ADAMTS17: variants seen among roughly 807,000 people sequenced by gnomAD.
ADAMTS17 encodes ADAM metallopeptidase with thrombospondin type 1 motif 17, also known as A disintegrin and metalloproteinase with thrombospondin motifs 17.
ADAMTS17 carries 113 observed loss-of-function variants against 141.5 expected under a neutral mutation model. That is an observed-to-expected ratio of 0.80 (90% CI 0.69 to 0.93). ADAMTS17 has a LOEUF of 0.93. ADAMTS17 is among the 40% of genes least tolerant of loss of function. The pLI, the probability that ADAMTS17 is intolerant of heterozygous loss-of-function variation, is 0.00. For missense variants in ADAMTS17, 1,659 were observed against 1,517.9 expected (o/e 1.09, Z -1.54); for synonymous variants, 768 against 630.6 (o/e 1.22, Z -3.27).
At chr15:99,978,211 G>A (rs1419029507) in intron 20 of ADAMTS17, among the ~76,000 whole-genome samples, 1 of 152,172 alleles carries the variant, frequency 6.6e-6, no homozygotes, top group East Asian at 1.9e-4. Flanking sequence ...TCCCATCTGT[G>A]CCTGGGAGGG....
At chr15:100,330,694 G>A (rs1307364470) in intron 3 of ADAMTS17, among the ~76,000 whole-genome samples, 195 bp downstream of exon 3, 2 of 152,160 alleles carry the variant, frequency 1.3e-5, no homozygotes, top group Non-Finnish European at 2.9e-5. Context: ...GAAACAAAAC[G>A]ATGACTTTTT....
At chr15:100,011,363 A>AGGGGGGGGGGGGGGG (rs1282614170) in intron 18 of ADAMTS17, among the ~76,000 whole-genome samples, 1 of 8,652 alleles carries the variant, frequency 1.2e-4, no homozygotes, top group Admixed American at 1.2e-3. Flanking sequence ...GACGGGAGGG[A>AGGGGGGGGGGGGGGG]GAGAAGGAAA....
At chr15:100,149,375 T>C (rs930074606) in intron 10 of ADAMTS17, among the ~76,000 whole-genome samples, 1 of 152,220 alleles carries the variant, frequency 6.6e-6, no homozygotes, top group Admixed American at 6.5e-5. Flanking sequence ...GTTCAGTTCT[T>C]TGTCCTCCAT....
intron 8 of ADAMTS17, among the ~76,000 whole-genome samples, chr15:100,178,945 T>G (rs1897086779): frequency 6.6e-6 from 1 of 152,178 alleles, no homozygotes; most frequent in African/African-American, 2.4e-5. Flanking sequence ...GGCAATACAT[T>G]GTTCCCAATT....
At chr15:100,104,748 C>T (rs903023001) in intron 14 of ADAMTS17, among the ~76,000 whole-genome samples, 1 of 152,186 alleles carries the variant, frequency 6.6e-6, no homozygotes, top group Non-Finnish European at 1.5e-5. Context: ...ACAGACTTTC[C>T]ACTCATTAGG....
chr15:100,255,321 C>G (rs1182279248), intron 6 of ADAMTS17, among the ~76,000 whole-genome samples: 1 of 152,122 alleles, frequency 6.6e-6, no homozygotes, highest in African/African-American at 2.4e-5. Context: ...AGGCCCCACA[C>G]CCATCTTCTC....
rs555557861 is a variant in ADAMTS17, at chr15:100,241,856, G to T, written c.1075+12280C>A. Among the ~76,000 whole-genome samples, 10 of 152,272 alleles carry T rather than the reference G, an allele frequency of 6.6e-5. No individual in the cohort carries two copies. In the South Asian group the frequency reaches 8.3e-4, roughly 13 times the overall value. ...TTGTCAGGAATTTCTAATCCAAGTC[G>T]TCTATGCTAGTAACTCCGAAGGTTG... On this transcript the variant is annotated intron_variant, in intron 7 of 21. Coordinates refer to ENST00000268070, the MANE Select transcript of ADAMTS17 (RefSeq NM_139057.4).
intron 3 of ADAMTS17, among the ~76,000 whole-genome samples, chr15:100,313,057 A>C (rs1179365892): frequency 6.6e-6 from 1 of 152,204 alleles, no homozygotes; most frequent in East Asian, 1.9e-4. Context: ...AAAAAGCATT[A>C]ATCTGAGATG....
chr15:100,135,027 A>T (rs1415277310), intron 10 of ADAMTS17, among the ~76,000 whole-genome samples: 1 of 152,202 alleles, frequency 6.6e-6, no homozygotes, highest in Admixed American at 6.5e-5. Flanking sequence ...TGCTCACAAG[A>T]CAAGGCTGAC....
At chr15:100,099,810 C>T (rs2035986886) in intron 14 of ADAMTS17, among the ~76,000 whole-genome samples, 1 of 152,170 alleles carries the variant, frequency 6.6e-6, no homozygotes, top group Admixed American at 6.5e-5. Flanking sequence ...CAAGACAGCT[C>T]CTGAGAAACA....
Position 100,053,898 on chromosome 15 carries a change from A to G in ADAMTS17, c.2294T>C (p.Met765Thr), listed in dbSNP as rs1354916281. 3 of 1,614,180 alleles carry G rather than the reference A, an allele frequency of 1.9e-6. No individual in the cohort carries two copies. Among genetic ancestry groups the G allele is most frequent in the Middle Eastern group, 3.3e-4 (2 of 6,062 alleles). Residue 765 changes from methionine to threonine, a missense_variant and splice_region_variant, in exon 16 of 22, where the codon ATG (methionine) becomes ACG (threonine). Transcript: ENST00000268070. Reference protein sequence around the residue: ...KGPTKLPLHLMVLLFHDQDYG... With the variant: ...KGPTKLPLHLTVLLFHDQDYG... ...AAGTGTGGAAGCCCAGCAAGTTACC[A>G]TCAAGTGCAGCGGTAGTTTGGTTGG...
At chr15:100,030,009 A>G (rs1031748345) in intron 18 of ADAMTS17, among the ~76,000 whole-genome samples, 4 of 152,212 alleles carry the variant, frequency 2.6e-5, no homozygotes, top group African/African-American at 9.6e-5. Flanking sequence ...TAGAGCCACT[A>G]GACATATTGG....
chr15:99,981,407 C>G (rs962597262), intron 20 of ADAMTS17, among the ~76,000 whole-genome samples: 2 of 152,182 alleles, frequency 1.3e-5, no homozygotes, highest in African/African-American at 2.4e-5. Context: ...GGCTCTGCCC[C>G]TTGTAGGCAT....
chr15:100,059,660 T>A (rs1031688928), intron 15 of ADAMTS17, among the ~76,000 whole-genome samples: 1 of 152,036 alleles, frequency 6.6e-6, no homozygotes, highest in Non-Finnish European at 1.5e-5. Context: ...CATTGTGGAG[T>A]CCCAAGAACA....
At chr15:100,313,320 C>T (rs2045462217) in intron 3 of ADAMTS17, among the ~76,000 whole-genome samples, 1 of 152,150 alleles carries the variant, frequency 6.6e-6, no homozygotes, top group East Asian at 1.9e-4. Context: ...GGAAAGAATA[C>T]ACCACAACCA....
chr15:100,191,154 C>G (rs2040902597), intron 8 of ADAMTS17, among the ~76,000 whole-genome samples: 1 of 152,226 alleles, frequency 6.6e-6, no homozygotes. Flanking sequence ...CTCCTGCCTC[C>G]TCAAACACCA....
In ADAMTS17 at chr15:99,972,570, AAATGGG is replaced by A. The variant is rs1327052279; in HGVS notation, c.*1826_*1831del. The stretch of plus-strand genomic sequence containing the variant: ...CCCCAAAATTTTGAGGGCTTTGTGA[AAATGGG>A]AATTCATGGGAGTCTGCTGGTGGCC... On this transcript the variant is annotated 3_prime_UTR_variant, in exon 22 of 22. Coordinates refer to ENST00000268070, the MANE Select transcript of ADAMTS17 (RefSeq NM_139057.4). 6.6e-6 allele frequency: 1 copy of A among 152,200 alleles called. No homozygotes were observed. Among genetic ancestry groups the A allele is most frequent in the African/African-American group, 2.4e-5 (1 of 41,454 alleles). The allele number at this position is 152,200 out of a possible 1,614,324, so 9.4% of individuals were successfully genotyped here.
intron 7 of ADAMTS17, among the ~76,000 whole-genome samples, chr15:100,216,862 A>G (rs2041984303): frequency 6.6e-6 from 1 of 152,240 alleles, no homozygotes; most frequent in Non-Finnish European, 1.5e-5. Flanking sequence ...ATATTTTACT[A>G]AGATTAGATT....
intron 15 of ADAMTS17, among the ~76,000 whole-genome samples, chr15:100,091,066 GCAGGCCCTCTGT>G (rs2035439286): frequency 3.4e-5 from 5 of 147,240 alleles, no homozygotes; most frequent in African/African-American, 1.3e-4. Context: ...GAACTGAAAG[GCAGGCCCTCTGT>G]CCACAAACCG....
Sources: allele counts gnomAD v4.1 joint callset (sites outside exome capture counted in the v4.1 genomes callset), GRCh38; gene constraint gnomAD v4.1.1; transcripts MANE v1.5; gene names NCBI Gene and HGNC (gene_info 2026-07-23, HGNC 2026-07-21).